CLSTN2: variants seen among roughly 807,000 people sequenced by gnomAD.
CLSTN2 encodes the protein calsyntenin 2.
CLSTN2 carries 48 observed loss-of-function variants against 101.2 expected under a neutral mutation model. The ratio of observed to expected loss-of-function variants is 0.47; its 90% CI spans 0.38 to 0.60. The LOEUF (loss-of-function observed/expected upper bound fraction) is 0.60. Among genes scored for constraint, CLSTN2 ranks in the 20% least tolerant of loss-of-function variants. The pLI is 0.00. For missense variants in CLSTN2, 1,160 were observed against 1,238.2 expected (o/e 0.94, Z 0.95); for synonymous variants, 481 against 463.6 (o/e 1.04, Z -0.48).
At chr3:139,948,082 C>T (rs138652357) in intron 1 of CLSTN2, among the ~76,000 whole-genome samples, 89 of 152,268 alleles carry the variant, frequency 5.8e-4, no homozygotes, top group Non-Finnish European at 8.5e-4. Flanking sequence ...GCCTTTAGCA[C>T]TCCTCTTGTC....
At chr3:140,062,917 G>A (rs1392916129) in intron 1 of CLSTN2, among the ~76,000 whole-genome samples, 2 of 152,148 alleles carry the variant, frequency 1.3e-5, no homozygotes, top group Non-Finnish European at 2.9e-5. Flanking sequence ...TTCTTAATCA[G>A]CAAAATATAA....
chr3:140,319,021 G>A (rs770093782), intron 2 of CLSTN2, among the ~76,000 whole-genome samples: 45 of 152,120 alleles, frequency 3.0e-4, no homozygotes, highest in African/African-American at 9.7e-5. Flanking sequence ...GGACTCTGGA[G>A]TTAAATTATC....
At chr3:140,440,285 T>C (rs2088746714) in intron 5 of CLSTN2, among the ~76,000 whole-genome samples, 1 of 152,160 alleles carries the variant, frequency 6.6e-6, no homozygotes, top group South Asian at 2.1e-4. Flanking sequence ...TATGTATCCT[T>C]CCCCCACTTT....
intron 4 of CLSTN2, among the ~76,000 whole-genome samples, chr3:140,407,053 C>T (rs529839702): frequency 6.6e-6 from 1 of 152,312 alleles, no homozygotes; most frequent in South Asian, 2.1e-4. Flanking sequence ...AGAATGGGCC[C>T]TCTCAGGGAG....
chr3:139,973,479 G>A (rs569944016), intron 1 of CLSTN2, among the ~76,000 whole-genome samples: 2 of 152,272 alleles, frequency 1.3e-5, no homozygotes, highest in East Asian at 3.9e-4. Context: ...GGGGGTTGGG[G>A]GGAAGGACTT....
chr3:140,375,564 G>A lies in CLSTN2; in HGVS notation c.233-28065G>A, dbSNP rs144321534. Among the ~76,000 whole-genome samples, 98 of 152,204 alleles carry A rather than the reference G, an allele frequency of 6.4e-4. 1 individual carries two copies. The highest frequency in any genetic ancestry group is 2.2e-3 in the African/African-American group (91 of 41,532). On this transcript the variant is annotated intron_variant, in intron 2 of 16. Coordinates refer to ENST00000458420, the MANE Select transcript of CLSTN2 (RefSeq NM_022131.3). ...TGTAGATTATATTCTTTTAGTATCC[G>A]CTTTGCTCTTTTGTTTCTTGTATTT...
At chr3:140,268,805 G>T (rs62267968) in intron 2 of CLSTN2, among the ~76,000 whole-genome samples, 3,163 of 152,224 alleles carry the variant, frequency 0.021, 57 homozygotes, top group Middle Eastern at 0.054. Flanking sequence ...CTTTGATGCT[G>T]TACAACATTA....
At chr3:140,008,821 C>G (rs2007013583) in intron 1 of CLSTN2, among the ~76,000 whole-genome samples, 1 of 152,312 alleles carries the variant, frequency 6.6e-6, no homozygotes, top group African/African-American at 2.4e-5. Context: ...CAGTTACTGG[C>G]TTGATTGTTG....
At chr3:140,040,265 A>C (rs1377243896) in intron 1 of CLSTN2, among the ~76,000 whole-genome samples, 2 of 152,268 alleles carry the variant, frequency 1.3e-5, no homozygotes, top group East Asian at 3.9e-4. Flanking sequence ...GCACTGCGCT[A>C]TCCGTGTGCT....
chr3:140,532,516 C>T (rs749272826), intron 9 of CLSTN2, 30 bp downstream of exon 9: 2 of 1,589,944 alleles, frequency 1.3e-6, no homozygotes, highest in Non-Finnish European at 1.7e-6. Flanking sequence ...TTTTCTCTGA[C>T]CTGTTTGTGA....
At chr3:140,144,144 A>G (rs2009746447) in intron 1 of CLSTN2, among the ~76,000 whole-genome samples, 1 of 152,232 alleles carries the variant, frequency 6.6e-6, no homozygotes, top group Non-Finnish European at 1.5e-5. Context: ...ATGTTTGTCA[A>G]CAGGAATTGC....
At position 140,127,031 on chromosome 3, in the gene CLSTN2, A is replaced by ATCATGTGTCATTATATG. The variant is rs1553800623; in HGVS notation, c.110-48919_110-48918insCATGTGTCATTATATGT. On this transcript the variant is annotated intron_variant, in intron 1 of 16. Transcript: ENST00000458420. ...GTGTCATTATATGTGTCATATATAT[A>ATCATGTGTCATTATATG]TATCATGTGTCATTATATGTATCAT... Among the ~76,000 whole-genome samples, 671 of 151,484 alleles carry ATCATGTGTCATTATATG rather than the reference A, an allele frequency of 4.4e-3. 4 individuals carry two copies. The highest frequency in any genetic ancestry group is 0.014 in the African/African-American group (562 of 41,164).
rs1267175704 is a variant in CLSTN2, at chr3:140,469,380, T to C, written c.1344+2649T>C. 6.6e-5 allele frequency among the ~76,000 whole-genome samples: 10 copies of C among 152,310 alleles called. No individual in the cohort carries two copies. In the East Asian group the frequency reaches 1.2e-3, roughly 18 times the overall value. Reference sequence around the variant, plus strand: ...GTGTAGGAAACCTCAACAGTTCCCATGCTAGCAATCCAGTGGTATATACTG... The same window carrying C: ...GTGTAGGAAACCTCAACAGTTCCCACGCTAGCAATCCAGTGGTATATACTG... On this transcript the variant is annotated intron_variant, in intron 8 of 16. Coordinates refer to ENST00000458420, the MANE Select transcript of CLSTN2 (RefSeq NM_022131.3).
chr3:140,413,346 A>G (rs1434916111), intron 4 of CLSTN2, among the ~76,000 whole-genome samples: 5 of 152,184 alleles, frequency 3.3e-5, no homozygotes, highest in Admixed American at 1.3e-4. Context: ...ACAGAATAAT[A>G]AGGAAATGAG....
At chr3:140,475,305 G>T (rs1933957732) in intron 8 of CLSTN2, among the ~76,000 whole-genome samples, 1 of 152,150 alleles carries the variant, frequency 6.6e-6, no homozygotes, top group Admixed American at 6.5e-5. Context: ...GGAGCATATT[G>T]CATACCTAAC....
chr3:140,208,263 T>C (rs2010809068), intron 2 of CLSTN2, among the ~76,000 whole-genome samples: 1 of 152,206 alleles, frequency 6.6e-6, no homozygotes, highest in Non-Finnish European at 1.5e-5. Flanking sequence ...TTGAAATTTG[T>C]TTTGATGTAC....
chr3:140,372,637 A>C (rs1410336337), intron 2 of CLSTN2, among the ~76,000 whole-genome samples: 1 of 152,164 alleles, frequency 6.6e-6, no homozygotes, highest in Admixed American at 6.5e-5. Context: ...AACTCCATTA[A>C]CATGGAGCTG....
chr3:140,305,917 A>G (rs2087109824), intron 2 of CLSTN2, among the ~76,000 whole-genome samples: 2 of 152,066 alleles, frequency 1.3e-5, no homozygotes, highest in South Asian at 4.2e-4. Flanking sequence ...CTGTCTTTCC[A>G]AGTATTTTTG....
intron 1 of CLSTN2, among the ~76,000 whole-genome samples, chr3:140,041,866 G>C (rs1560077142): frequency 6.6e-6 from 1 of 152,168 alleles, no homozygotes; most frequent in Non-Finnish European, 1.5e-5. Flanking sequence ...TACAGACTGG[G>C]TGAGACAAAC....
Sources: gnomAD v4.1 joint callset for allele counts (sites outside exome capture counted in the v4.1 genomes callset) on GRCh38, gnomAD v4.1.1 for gene constraint, MANE v1.5 for transcripts, NCBI Gene and HGNC (gene_info 2026-07-23, HGNC 2026-07-21) for gene names.